Variants in USH2A observed in about 807,000 individuals in gnomAD.
The protein encoded by USH2A is usherin, also known as Usher syndrome 2A (autosomal recessive, mild).
Under a neutral mutation model 538.9 loss-of-function variants are expected in USH2A, and 443 were observed. That is an observed-to-expected ratio of 0.82 (90% CI 0.76 to 0.89). The LOEUF (loss-of-function observed/expected upper bound fraction) is 0.89. Ranked by LOEUF, USH2A falls within the 40% of genes least tolerant of loss-of-function variation. The pLI, the probability that USH2A is intolerant of heterozygous loss-of-function variation, is 0.00. For missense variants in USH2A, 6,633 were observed against 6,324.8 expected (o/e 1.05, Z -1.65); for synonymous variants, 2,413 against 2,273.5 (o/e 1.06, Z -1.75).
chr1:215,663,919 T>A (rs1657521227), intron 64 of USH2A, among the ~76,000 whole-genome samples: 1 of 152,058 alleles, frequency 6.6e-6, no homozygotes, highest in Admixed American at 6.6e-5. Flanking sequence ...CTGGGAGTGA[T>A]TTCCTCAGAT....
intron 64 of USH2A, among the ~76,000 whole-genome samples, chr1:215,664,150 T>C (rs1657531728): frequency 6.6e-6 from 1 of 152,194 alleles, no homozygotes; most frequent in Non-Finnish European, 1.5e-5. Flanking sequence ...TACATTGGCT[T>C]TCTGTTACTT....
intron 4 of USH2A, among the ~76,000 whole-genome samples, chr1:216,361,516 T>C (rs765704675): frequency 2.0e-5 from 3 of 152,100 alleles, no homozygotes; most frequent in Admixed American, 6.6e-5. Flanking sequence ...GTCAAAGAAC[T>C]CATATTCAAA....
chr1:215,775,076 T>C (rs980038448), intron 55 of USH2A, among the ~76,000 whole-genome samples: 2 of 152,102 alleles, frequency 1.3e-5, no homozygotes, highest in African/African-American at 4.8e-5. Context: ...CAAACAACCA[T>C]AGAAGAAACT....
rs949595636 is a variant in USH2A at position 215,842,903 on chromosome 1, C to T, written c.9258+1391G>A. Among the ~76,000 whole-genome samples the T allele has an allele frequency of 3.9e-5, 6 of 151,988 alleles. No homozygotes were observed. The South Asian group carries it at 6.2e-4, about 16-fold the overall frequency. ...TAGATGGGTTGTTAGGTGCAGCAAA[C>T]CACCATGGCATACGTTTACCTAGGT... On this transcript the variant is annotated intron_variant, in intron 46 of 71. Coordinates refer to ENST00000307340, the MANE Select transcript of USH2A (RefSeq NM_206933.4).
chr1:216,031,717 T>C (rs1341778932), intron 32 of USH2A, among the ~76,000 whole-genome samples: 1 of 152,194 alleles, frequency 6.6e-6, no homozygotes, highest in Non-Finnish European at 1.5e-5. Context: ...AGAACAAAGT[T>C]CAAATATCTC....
chr1:215,962,653 ATG>A (rs71939919), intron 37 of USH2A, among the ~76,000 whole-genome samples: 1,836 of 88,088 alleles, frequency 0.021, 38 homozygotes, highest in Admixed American at 0.076. Context: ...GTGTTTGTTT[ATG>A]TATACACACA....
rs868562952 is a variant in USH2A at position 216,251,047 on chromosome 1, G to A, written c.2023C>T (p.Gln675Ter). The change falls in exon 12 of 72, where the codon CAG becomes TAG. Residue 675 changes from glutamine to a stop codon, truncating the protein, a stop_gained. Coordinates refer to ENST00000307340, the MANE Select transcript of USH2A (RefSeq NM_206933.4). LOFTEE classifies it high-confidence loss of function. ...KRHVSGRQCN[Q>*]CQNGFYNLQE... is the part of the protein sequence containing the mutation. ...AGATTGTAGAATCCATTCTGGCACT[G>A]ATTGCACTGCCTGCCAGACACGTGT... 3.7e-6 allele frequency: 6 copies of A among 1,614,058 alleles called. No individual in the cohort carries two copies. Among genetic ancestry groups the A allele is most frequent in the Non-Finnish European group, 5.1e-6 (6 of 1,179,988 alleles).
intron 16 of USH2A, among the ~76,000 whole-genome samples, chr1:216,201,401 C>T (rs895520387): frequency 1.3e-5 from 2 of 151,504 alleles, no homozygotes; most frequent in African/African-American, 2.4e-5. Context: ...TTCTGCCTCC[C>T]GGGTTCAAGC....
At chr1:215,785,118 C>A (rs897229686) in intron 52 of USH2A, among the ~76,000 whole-genome samples, 3 of 152,036 alleles carry the variant, frequency 2.0e-5, no homozygotes, top group Non-Finnish European at 4.4e-5. Flanking sequence ...AATAACGAGG[C>A]AAAGGTAAAC....
At chr1:216,291,685 A>G (rs1226815532) in intron 10 of USH2A, among the ~76,000 whole-genome samples, 3 of 152,224 alleles carry the variant, frequency 2.0e-5, no homozygotes, top group African/African-American at 7.2e-5. Context: ...GTTTTAGAAC[A>G]GGACTTTGAT....
chr1:215,705,433 C>T (rs544489700), intron 61 of USH2A, among the ~76,000 whole-genome samples: 8 of 152,184 alleles, frequency 5.3e-5, no homozygotes, highest in African/African-American at 7.2e-5. Flanking sequence ...AGTGAAGTGA[C>T]GAGAGTTTGT....
At chr1:216,334,499 G>A (rs2037932280) in intron 4 of USH2A, among the ~76,000 whole-genome samples, 1 of 151,764 alleles carries the variant, frequency 6.6e-6, no homozygotes, top group African/African-American at 2.4e-5. Context: ...AAATGTAAAT[G>A]GCTTAAGCAC....
Position 215,831,348 on chromosome 1 carries a change from T to C in USH2A, c.9371+6643A>G, listed in dbSNP as rs527516072. ...AAGTATATAGATGATCTGAACACCA[T>C]TATCACTCAACTTGATCTAATTGAC... On this transcript the variant is annotated intron_variant, in intron 47 of 71. Transcript: ENST00000307340. Among the ~76,000 whole-genome samples, 45 of 152,206 alleles carry C rather than the reference T, an allele frequency of 3.0e-4. No homozygotes were observed. The South Asian group carries it at 7.5e-3, about 25-fold the overall frequency.
intron 9 of USH2A, among the ~76,000 whole-genome samples, chr1:216,319,389 TATG>T (rs2037566152): frequency 6.6e-6 from 1 of 152,152 alleles, no homozygotes; most frequent in Admixed American, 6.5e-5. Flanking sequence ...TCTGTGACAA[TATG>T]ATAAGCCATA....
chr1:216,351,405 G>A (rs985064990), intron 4 of USH2A, among the ~76,000 whole-genome samples: 2 of 152,130 alleles, frequency 1.3e-5, no homozygotes, highest in Non-Finnish European at 2.9e-5. Context: ...AAAAGTTCCA[G>A]GTTGAAAGAA....
At position 215,790,182 on chromosome 1, in the gene USH2A, C is replaced by G. The variant is rs147842359; in HGVS notation, c.10059G>C (p.Pro3353=). 4 of 1,614,012 alleles carry G rather than the reference C, an allele frequency of 2.5e-6. No individual in the cohort carries two copies. The South Asian group carries it at 3.3e-5, about 13-fold the overall frequency. The part of the protein sequence containing the change: ...ESKAHIKKND[P]VPVKCCETEL... Reference sequence around the variant, plus strand: ...CAGTCTCACAGCATTTTACTGGCACCGGGTCATTCTTTTTAATATGTGCTT... The same window carrying G: ...CAGTCTCACAGCATTTTACTGGCACGGGGTCATTCTTTTTAATATGTGCTT... Residue 3353 remains proline, a synonymous_variant, in exon 51 of 72, where the codon CCG becomes CCC. Transcript: ENST00000307340.
intron 20 of USH2A, among the ~76,000 whole-genome samples, chr1:216,182,842 C>T (rs1283600871): frequency 6.6e-6 from 1 of 152,030 alleles, no homozygotes; most frequent in Non-Finnish European, 1.5e-5. Flanking sequence ...GATCCCAGTT[C>T]CAATAAAAAC....
chr1:215,628,736 G>A (rs556409150), intron 71 of USH2A, 78 bp downstream of exon 71: 133 of 1,481,492 alleles, frequency 9.0e-5, no homozygotes, highest in Non-Finnish European at 1.2e-4. Context: ...GGCAGCATTC[G>A]GTGAAGTACA....
intron 4 of USH2A, among the ~76,000 whole-genome samples, chr1:216,361,159 A>G (rs550011669): frequency 5.9e-5 from 9 of 152,268 alleles, no homozygotes; most frequent in African/African-American, 1.7e-4. Flanking sequence ...TGGTAGAAAC[A>G]TTGATTTGTT....
Sources: gnomAD v4.1 joint callset for allele counts (sites outside exome capture counted in the v4.1 genomes callset) on GRCh38, gnomAD v4.1.1 for gene constraint, MANE v1.5 for transcripts, NCBI Gene and HGNC (gene_info 2026-07-23, HGNC 2026-07-21) for gene names.